Variants in PLEKHG1 observed in about 807,000 individuals in gnomAD.
PLEKHG1 encodes pleckstrin homology and RhoGEF domain containing G1, also known as pleckstrin homology domain-containing family G member 1.
In PLEKHG1, 44 loss-of-function variants were observed where a neutral mutation model predicts 100.8. The ratio of observed to expected loss-of-function variants is 0.44; its 90% CI spans 0.34 to 0.56. The LOEUF (loss-of-function observed/expected upper bound fraction) is 0.56. Ranked by LOEUF, PLEKHG1 falls within the 20% of genes least tolerant of loss-of-function variation. The pLI is 0.01. For missense variants in PLEKHG1, 1,545 were observed against 1,720.9 expected (o/e 0.90, Z 1.81); for synonymous variants, 640 against 662.5 (o/e 0.97, Z 0.52).
intron 3 of PLEKHG1, among the ~76,000 whole-genome samples, chr6:150,657,305 G>A (rs1779007894): frequency 6.6e-6 from 1 of 152,150 alleles, no homozygotes; most frequent in Admixed American, 6.5e-5. Context: ...GGATATGAAG[G>A]CAAAGATACA....
intron 4 of PLEKHG1, among the ~76,000 whole-genome samples, chr6:150,792,197 A>T (rs1786020892): frequency 1.3e-5 from 2 of 152,078 alleles, no homozygotes; most frequent in African/African-American, 4.8e-5. Flanking sequence ...TCTCTACTAA[A>T]AATACAAAAA....
At chr6:150,676,368 A>G (rs1018974448) in intron 3 of PLEKHG1, among the ~76,000 whole-genome samples, 68 of 152,274 alleles carry the variant, frequency 4.5e-4, no homozygotes, top group African/African-American at 1.6e-3. Context: ...AATACATTTT[A>G]AAATGGAAAC....
chr6:150,732,107 A>G (rs7745244), intron 1 of PLEKHG1, among the ~76,000 whole-genome samples: 28,495 of 151,496 alleles, frequency 0.19, 4,288 homozygotes, highest in African/African-American at 0.41. Context: ...GACTACAGGC[A>G]CCCGCCACCA....
intron 1 of PLEKHG1, among the ~76,000 whole-genome samples, chr6:150,607,049 T>C (rs1042111630): frequency 6.6e-6 from 1 of 152,062 alleles, no homozygotes; most frequent in African/African-American, 2.4e-5. Flanking sequence ...CTCCAACTTC[T>C]CGTGTGATTA....
chr6:150,610,655 CAAAG>C (rs1387413263), intron 1 of PLEKHG1, among the ~76,000 whole-genome samples: 1 of 152,034 alleles, frequency 6.6e-6, no homozygotes, highest in African/African-American at 2.4e-5. Flanking sequence ...GGAAGGAAAG[CAAAG>C]AAAAACCCAC....
chr6:150,754,041 G>A (rs1783680454), intron 2 of PLEKHG1, among the ~76,000 whole-genome samples: 3 of 152,190 alleles, frequency 2.0e-5, no homozygotes, highest in African/African-American at 7.2e-5. Context: ...AGGGAGAGAA[G>A]GAATGACAAA....
At chr6:150,822,150 C>CAAAAAAAAAAAA (rs58672381) in intron 13 of PLEKHG1, among the ~76,000 whole-genome samples, 3 of 36,700 alleles carry the variant, frequency 8.2e-5, no homozygotes, top group African/African-American at 2.8e-4. Context: ...CCAAAGGACT[C>CAAAAAAAAAAAA]AAAAAAAAAA....
At chr6:150,714,311 G>A (rs1328661563) in intron 3 of PLEKHG1, among the ~76,000 whole-genome samples, 1 of 152,096 alleles carries the variant, frequency 6.6e-6, no homozygotes, top group South Asian at 2.1e-4. Flanking sequence ...ATTGTCTCTG[G>A]GAAATAAAAA....
chr6:150,611,454 G>A (rs768245231), intron 1 of PLEKHG1, among the ~76,000 whole-genome samples: 8 of 152,192 alleles, frequency 5.3e-5, no homozygotes, highest in Non-Finnish European at 1.2e-4. Flanking sequence ...GATCTCCAAA[G>A]AGCCCCTTCC....
intron 3 of PLEKHG1, among the ~76,000 whole-genome samples, chr6:150,696,856 A>G (rs199938549): frequency 1.3e-5 from 2 of 152,122 alleles, no homozygotes; most frequent in African/African-American, 4.8e-5. Flanking sequence ...GCCTGTAATC[A>G]CAGCACTTTG....
intron 3 of PLEKHG1, among the ~76,000 whole-genome samples, chr6:150,770,494 A>G (rs1784669587): frequency 6.6e-6 from 1 of 152,176 alleles, no homozygotes; most frequent in Admixed American, 6.5e-5. Flanking sequence ...TACCCACTGG[A>G]ATCACCTGGG....
chr6:150,621,859 G>A (rs1261509177), intron 1 of PLEKHG1, among the ~76,000 whole-genome samples: 2 of 152,260 alleles, frequency 1.3e-5, no homozygotes, highest in South Asian at 2.1e-4. Flanking sequence ...TGTTTACTTC[G>A]ATGTCTGTTT....
intron 1 of PLEKHG1, among the ~76,000 whole-genome samples, chr6:150,725,701 G>A (rs1781927596): frequency 6.6e-6 from 1 of 150,432 alleles, no homozygotes; most frequent in Non-Finnish European, 1.5e-5. Flanking sequence ...TGCTTTTGGT[G>A]TCACATCCAA....
At chr6:150,797,807 C>A (rs1786436406) in intron 5 of PLEKHG1, among the ~76,000 whole-genome samples, 1 of 118,944 alleles carries the variant, frequency 8.4e-6, no homozygotes, top group African/African-American at 3.2e-5. Context: ...TGCACTCCAG[C>A]CTTGGCAACA....
intron 2 of PLEKHG1, among the ~76,000 whole-genome samples, chr6:150,763,618 G>A (rs1178200381): frequency 6.6e-6 from 1 of 152,180 alleles, no homozygotes; most frequent in Non-Finnish European, 1.5e-5. Flanking sequence ...CCAGGCCTCT[G>A]CAGATGGGGC....
intron 3 of PLEKHG1, among the ~76,000 whole-genome samples, chr6:150,681,028 A>G (rs1461774515): frequency 6.6e-6 from 1 of 152,198 alleles, no homozygotes; most frequent in Non-Finnish European, 1.5e-5. Flanking sequence ...TGAATTTACA[A>G]TTACATTTTT....
chr6:150,653,541 G>A (rs932954058), intron 3 of PLEKHG1, among the ~76,000 whole-genome samples: 29 of 152,158 alleles, frequency 1.9e-4, no homozygotes, highest in African/African-American at 5.8e-4. Context: ...CTAGGAGTTC[G>A]AGACCAGCCT....
In PLEKHG1 at chr6:150,826,891, C is replaced by T. The variant is rs1347863418; in HGVS notation, c.1470+3215C>T. Among the ~76,000 whole-genome samples, 4 of 152,068 alleles carry T rather than the reference C, an allele frequency of 2.6e-5. No individual in the cohort carries two copies. The East Asian group carries it at 7.7e-4, about 29-fold the overall frequency. On this transcript the variant is annotated intron_variant, in intron 14 of 15. Coordinates refer to ENST00000358517, the Ensembl canonical transcript of PLEKHG1. ...TTAACTCAAGTGATCCTCCCACCTT[C>T]ACCTCCCAAAGTGCTGGGATTACAG... is the stretch of plus-strand genomic sequence containing the variant.
intron 1 of PLEKHG1, among the ~76,000 whole-genome samples, chr6:150,604,968 A>AT (rs1582793746): frequency 6.6e-6 from 1 of 152,166 alleles, no homozygotes; most frequent in East Asian, 1.9e-4. Context: ...CATTCAAGTA[A>AT]CTTGCAGAGC....
Sources: gnomAD v4.1 joint callset for allele counts (sites outside exome capture counted in the v4.1 genomes callset) on GRCh38, gnomAD v4.1.1 for gene constraint, MANE v1.5 for transcripts, NCBI Gene and HGNC (gene_info 2026-07-23, HGNC 2026-07-21) for gene names.